RETSAT: variants seen among roughly 807,000 people sequenced by gnomAD.
RETSAT encodes all-trans-retinol 13,14-reductase.
A neutral mutation model predicts 61.6 loss-of-function variants in RETSAT; 35 were observed. The ratio of observed to expected loss-of-function variants is 0.57; its 90% CI spans 0.43 to 0.75. The LOEUF is 0.75. RETSAT is among the 30% of genes least tolerant of loss of function. RETSAT has a pLI of 0.00. For synonymous variants in RETSAT, 277 were observed against 310.4 expected (o/e 0.89, Z 1.13); for missense variants, 670 against 759.5 (o/e 0.88, Z 1.38).
intron 5 of RETSAT, 49 bp downstream of exon 5, chr2:85,349,335 C>T: frequency 6.3e-7 from 1 of 1,598,564 alleles, no homozygotes; most frequent in Non-Finnish European, 8.6e-7. Flanking sequence ...CAGGTCTCGC[C>T]CACACCAACC....
At chr2:85,344,825 C>G in intron 6 of RETSAT, 93 bp from the exon 7 acceptor site, 1 of 1,446,516 alleles carries the variant, frequency 6.9e-7, no homozygotes, top group South Asian at 1.3e-5. Flanking sequence ...AGCTCTGGCA[C>G]CTGCCTGAGG....
chr2:85,346,222 G>A, intron 5 of RETSAT, 128 bp from the exon 6 acceptor site: 2 of 1,219,490 alleles, frequency 1.6e-6, no homozygotes. Context: ...CCTAGACTCA[G>A]GCAGGGCAGG....
chr2:85,349,833 T>C (rs931729518), intron 4 of RETSAT: 2 of 631,862 alleles, frequency 3.2e-6, no homozygotes, highest in Non-Finnish European at 5.5e-6. Flanking sequence ...TTGCTTGAAT[T>C]GAAAAATCAT....
At chr2:85,352,550 T>C (rs1683317140) in intron 1 of RETSAT, among the ~76,000 whole-genome samples, 1 of 151,954 alleles carries the variant, frequency 6.6e-6, no homozygotes, top group African/African-American at 2.4e-5. Context: ...GCGCCCCGCC[T>C]ATTTTATGTT....
At chr2:85,347,664 G>A (rs755216564) in intron 5 of RETSAT, among the ~76,000 whole-genome samples, 4 of 152,226 alleles carry the variant, frequency 2.6e-5, no homozygotes, top group African/African-American at 4.8e-5. Context: ...CACTGCGCCC[G>A]GCCTCTTTTA....
At chr2:85,353,761 C>A (rs963652297) in intron 1 of RETSAT, among the ~76,000 whole-genome samples, 2 of 152,182 alleles carry the variant, frequency 1.3e-5, no homozygotes, top group Non-Finnish European at 2.9e-5. Context: ...CAGCAGAACT[C>A]TTTAAACTCT....
chr2:85,351,477 TACA>T, intron 2 of RETSAT, 200 bp downstream of exon 2: 1 of 545,432 alleles, frequency 1.8e-6, no homozygotes, highest in East Asian at 3.1e-5. Flanking sequence ...AGGCAGAGGT[TACA>T]GTAAGCTGGG....
intron 6 of RETSAT, 81 bp downstream of exon 6, chr2:85,345,894 T>C (rs1427589561): frequency 6.3e-7 from 1 of 1,580,974 alleles, no homozygotes; most frequent in African/African-American, 1.3e-5. Flanking sequence ...AGGAGAAGCA[T>C]GACCCACACG....
chr2:85,345,778 T>A, intron 6 of RETSAT, 197 bp downstream of exon 6: 2 of 734,456 alleles, frequency 2.7e-6, no homozygotes, highest in Non-Finnish European at 2.4e-6. Context: ...GTAATTAATC[T>A]GTATGGGCCT....
At chr2:85,345,873 C>T (rs1356176635) in intron 6 of RETSAT, 102 bp downstream of exon 6, 27 of 1,459,362 alleles carry the variant, frequency 1.9e-5, no homozygotes, top group Admixed American at 1.7e-4. Context: ...ATCAGAGGGC[C>T]GGCCAAGAAG....
rs1412650480 is a variant in RETSAT at position 85,342,870 on chromosome 2, A to G, written c.*372T>C. On this transcript the variant is annotated 3_prime_UTR_variant, in exon 11 of 11. Coordinates refer to ENST00000295802, the MANE Select transcript of RETSAT (RefSeq NM_017750.4). ...GCCTCAGGACAGAACTGAACCCACC[A>G]GGTTGAGCTGACAACACTGCCAGGG... 1 of 234,966 alleles carries G rather than the reference A, an allele frequency of 4.3e-6. No homozygotes were observed. The highest frequency in any genetic ancestry group is 2.3e-5 in the African/African-American group (1 of 44,386). 14.6% of individuals were successfully genotyped at this position (234,966 alleles called of 1,614,324 possible).
Position 85,351,002 on chromosome 2 carries a change from A to G in RETSAT, c.375T>C (p.Arg125=), listed in dbSNP as rs368182849. ...EFDTGIHYIG[R]MEEGSIGRFI... is the part of the protein sequence containing the mutation. ...AACGGCCAATGCTGCCCTCTTCCATACGCCCAATGTAATGGATTCCTGTTG... is the reference window on the plus strand; with the variant it reads ...AACGGCCAATGCTGCCCTCTTCCATGCGCCCAATGTAATGGATTCCTGTTG... Residue 125 remains arginine (R), a synonymous_variant, in exon 3 of 11, where the codon CGT becomes CGC. Transcript: ENST00000295802. The G allele has an allele frequency of 3.1e-6, 5 of 1,613,942 alleles. No homozygotes were observed. The African/African-American group carries it at 5.3e-5, about 17-fold the overall frequency.
intron 6 of RETSAT, 192 bp downstream of exon 6, chr2:85,345,783 G>T: frequency 1.3e-6 from 1 of 746,264 alleles, no homozygotes; most frequent in East Asian, 2.7e-5. Context: ...TAATCTGTAT[G>T]GGCCTCAGTT....
Position 85,354,320 on chromosome 2 carries a change from G to A in RETSAT, c.172+16C>T. 1.2e-6 allele frequency: 2 copies of A among 1,613,838 alleles called. No individual in the cohort carries two copies. Among genetic ancestry groups the A allele is most frequent in the Non-Finnish European group, 1.7e-6 (2 of 1,179,934 alleles). On this transcript the variant is annotated intron_variant, in intron 1 of 10. Transcript: ENST00000295802. The stretch of plus-strand genomic sequence containing the variant: ...GCCTCGAGTGCAGCCCCGGACCCCA[G>A]GGTCCCTCCTGCTACCTTGTTTGAG...
rs1307509230 is a variant in RETSAT, at chr2:85,344,302, T to G, written c.1303A>C (p.Ile435Leu). The change falls in exon 8 of 11, where the codon ATC becomes CTC. Residue 435 changes from isoleucine (I) to leucine (L), a missense_variant. Transcript: ENST00000295802. ...GGGAAAGCGAAGAAGAGAAGAGGGA[T>G]GTGTTCCGCAGCCTCTTCCCTGGGC... ...SMPREEAAEH[I>L]PLLFFAFPSA... 2 of 1,614,062 alleles carry G rather than the reference T, an allele frequency of 1.2e-6. No individual in the cohort carries two copies. Among genetic ancestry groups the G allele is most frequent in the Non-Finnish European group, 8.5e-7 (1 of 1,180,010 alleles).
At chr2:85,350,701 C>G (rs1683284219) in intron 3 of RETSAT, 79 bp downstream of exon 3, 2 of 1,546,556 alleles carry the variant, frequency 1.3e-6, no homozygotes, top group Non-Finnish European at 8.9e-7. Context: ...GCACTCTCCA[C>G]CCCCAGTGCC....
chr2:85,354,436 T>A lies in RETSAT; in HGVS notation c.72A>T (p.Leu24=). 6.2e-7 allele frequency: 1 copy of A among 1,614,204 alleles called. No homozygotes were observed. The highest frequency in any genetic ancestry group is 8.5e-7 in the Non-Finnish European group (1 of 1,180,044). The part of the protein sequence containing the change: ...LAVLCKVYLG[L]FSGSSPNPFS... ...AAGGATTCGGGGAGCTGCCAGAGAA[T>A]AGTCCCAAGTAAACTTTGCAGAGGA... Residue 24 remains leucine, a synonymous_variant, in exon 1 of 11, where the codon CTA becomes CTT. Coordinates refer to ENST00000295802, the MANE Select transcript of RETSAT (RefSeq NM_017750.4).
intron 6 of RETSAT, chr2:85,345,528 G>A: frequency 3.0e-6 from 1 of 335,490 alleles, no homozygotes. Context: ...CTGGGTTACT[G>A]GTCCCCTCTT....
intron 1 of RETSAT, among the ~76,000 whole-genome samples, chr2:85,353,012 A>AT (rs1303710628): frequency 1.3e-5 from 2 of 152,268 alleles, no homozygotes; most frequent in East Asian, 3.9e-4. Flanking sequence ...CAAACTGCTT[A>AT]TTTTTTTAAT....
Sources: allele counts gnomAD v4.1 joint callset (sites outside exome capture counted in the v4.1 genomes callset), GRCh38; gene constraint gnomAD v4.1.1; transcripts MANE v1.5; gene names NCBI Gene and HGNC (gene_info 2026-07-23, HGNC 2026-07-21).